The following ROR1 variants were observed in gnomAD, a reference collection of about 807,000 sequenced individuals.
ROR1 encodes the protein ROR family WNT receptor 1.
ROR1 carries 19 observed loss-of-function variants against 78.8 expected under a neutral mutation model. The ratio of observed to expected loss-of-function variants is 0.24; its 90% CI spans 0.17 to 0.35. The LOEUF is 0.35. ROR1 is among the 10% of genes least tolerant of loss of function. ROR1 has a pLI of 1.00. For synonymous variants in ROR1, 386 were observed against 433.6 expected, an observed-to-expected ratio of 0.89 and a Z score of 1.36; for missense variants, 917 against 1,177.8, an observed-to-expected ratio of 0.78 and a Z score of 3.24.
At chr1:64,067,344 C>T (rs58516267) in intron 4 of ROR1, among the ~76,000 whole-genome samples, 23,472 of 147,676 alleles carry the variant, frequency 0.16, 2,713 homozygotes, top group African/African-American at 0.34. Context: ...GAGACCCTGT[C>T]TCACAAAAAA....
At position 63,799,203 on chromosome 1, in the gene ROR1, T is replaced by C. The variant is rs376244537; in HGVS notation, c.91+24695T>C. Among the ~76,000 whole-genome samples, 75 of 152,090 alleles carry C rather than the reference T, an allele frequency of 4.9e-4. No individual in the cohort carries two copies. In the South Asian group the frequency reaches 0.012, roughly 25 times the overall value. On this transcript the variant is annotated intron_variant, in intron 1 of 8. Transcript: ENST00000371079. ...AATAGTGACTGGCACGTAGTAGGTG[T>C]TCAAGTCACTTTTCTTATTATAAAG...
At chr1:64,042,930 T>C (rs997368963) in intron 2 of ROR1, among the ~76,000 whole-genome samples, 1 of 152,238 alleles carries the variant, frequency 6.6e-6, no homozygotes, top group Admixed American at 6.5e-5. Context: ...TATGTTTAGC[T>C]AAGCATTTCA....
intron 1 of ROR1, among the ~76,000 whole-genome samples, chr1:63,947,571 C>T (rs1217108774): frequency 6.6e-6 from 1 of 152,136 alleles, no homozygotes; most frequent in Non-Finnish European, 1.5e-5. Flanking sequence ...CAGCCAGCTC[C>T]ACTGCAGGCT....
chr1:64,168,373 T>G (rs1334567597), intron 8 of ROR1, among the ~76,000 whole-genome samples: 2 of 152,192 alleles, frequency 1.3e-5, no homozygotes, highest in African/African-American at 4.8e-5. Context: ...ATTCAAAAAA[T>G]CATAGCCATT....
At chr1:63,835,897 C>T (rs758619061) in intron 1 of ROR1, among the ~76,000 whole-genome samples, 3 of 152,166 alleles carry the variant, frequency 2.0e-5, no homozygotes, top group African/African-American at 7.2e-5. Flanking sequence ...GTGGTTAATA[C>T]GTCACACATT....
At chr1:63,982,003 A>C (rs1196998966) in intron 1 of ROR1, among the ~76,000 whole-genome samples, 1 of 151,910 alleles carries the variant, frequency 6.6e-6, no homozygotes, top group Non-Finnish European at 1.5e-5. Flanking sequence ...AAATAATATA[A>C]AAAATAAAAA....
At chr1:63,948,320 G>A (rs1306389470) in intron 1 of ROR1, among the ~76,000 whole-genome samples, 2 of 151,404 alleles carry the variant, frequency 1.3e-5, no homozygotes, top group African/African-American at 4.9e-5. Flanking sequence ...ATATATAATA[G>A]AGGTTTGTGG....
chr1:63,793,944 G>A lies in ROR1; in HGVS notation c.91+19436G>A, dbSNP rs542384648. On this transcript the variant is annotated intron_variant, in intron 1 of 8. Coordinates refer to ENST00000371079, the MANE Select transcript of ROR1 (RefSeq NM_005012.4). ...TCTCAGGAGAAGCAGAGACCCCAGG[G>A]AAAGACTCCTGTCTCCGTTGTGTGC... is the stretch of plus-strand genomic sequence containing the variant. Among the ~76,000 whole-genome samples, 3 of 152,288 alleles carry A rather than the reference G, an allele frequency of 2.0e-5. No individual in the cohort carries two copies. The South Asian group carries it at 6.2e-4, about 32-fold the overall frequency.
chr1:64,140,246 G>A lies in ROR1; in HGVS notation c.748G>A (p.Asp250Asn), dbSNP rs761232470. The A allele has an allele frequency of 2.3e-5, 37 of 1,613,984 alleles. No homozygotes were observed. The highest frequency in any genetic ancestry group is 6.7e-5 in the African/African-American group (5 of 74,898). Residue 250 changes from aspartate (D) to asparagine (N), a missense_variant, in exon 6 of 9, where the codon GAT (aspartate) becomes AAT (asparagine). By Grantham distance (23) the Asp-to-Asn change is conservative. Transcript: ENST00000371079. The part of the protein sequence containing the change: ...SVPKPRDLCR[D>N]ECEILENVLC... ...CCCAAAGCCCCGTGACTTGTGTCGCGATGAATGTGAAATCCTGGAGAATGT... is the reference window on the plus strand; with the variant it reads ...CCCAAAGCCCCGTGACTTGTGTCGCAATGAATGTGAAATCCTGGAGAATGT...
At chr1:64,100,779 C>T (rs1415886286) in intron 4 of ROR1, among the ~76,000 whole-genome samples, 1 of 152,148 alleles carries the variant, frequency 6.6e-6, no homozygotes, top group Non-Finnish European at 1.5e-5. Context: ...CACAGGAAAA[C>T]ATCTAATTCT....
At chr1:63,917,028 ATTC>A (rs1199788327) in intron 1 of ROR1, among the ~76,000 whole-genome samples, 2 of 152,032 alleles carry the variant, frequency 1.3e-5, no homozygotes, top group Non-Finnish European at 2.9e-5. Flanking sequence ...TCAGCTTTCA[ATTC>A]TTCTTTCCTT....
At chr1:63,795,777 C>A (rs535862093) in intron 1 of ROR1, among the ~76,000 whole-genome samples, 5 of 152,178 alleles carry the variant, frequency 3.3e-5, no homozygotes, top group Non-Finnish European at 7.4e-5. Flanking sequence ...ATAGCCTTAT[C>A]TTCTGCCTCA....
chr1:64,070,564 C>G lies in ROR1; in HGVS notation c.482+19848C>G, dbSNP rs546113071. Among the ~76,000 whole-genome samples the G allele has an allele frequency of 4.6e-5, 7 of 152,262 alleles. No individual in the cohort carries two copies. The East Asian group carries it at 1.3e-3, about 29-fold the overall frequency. On this transcript the variant is annotated intron_variant, in intron 4 of 8. Coordinates refer to ENST00000371079, the MANE Select transcript of ROR1 (RefSeq NM_005012.4). ...CGAATTCCTTGCCTCAAACCATCCT[C>G]GCACCTCAGCCTCCCAAAGTGCTGG...
chr1:63,886,337 T>C (rs1016140660), intron 1 of ROR1, among the ~76,000 whole-genome samples: 3 of 152,300 alleles, frequency 2.0e-5, no homozygotes, highest in East Asian at 1.9e-4. Context: ...GACCATTTCA[T>C]ATGGGCTGCA....
rs555448900 is a variant in ROR1, at chr1:63,982,434, C to T, written c.92-26871C>T. Among the ~76,000 whole-genome samples the T allele has an allele frequency of 2.5e-4, 38 of 152,266 alleles. No homozygotes were observed. The South Asian group carries it at 7.5e-3, about 30-fold the overall frequency. On this transcript the variant is annotated intron_variant, in intron 1 of 8. Transcript: ENST00000371079. The stretch of plus-strand genomic sequence containing the variant: ...CGGGCCTACAAAAACACTGCTCAAA[C>T]ATTTCATTTAAGAGAAGACACACCA...
intron 1 of ROR1, among the ~76,000 whole-genome samples, chr1:63,894,287 C>T (rs1645422653): frequency 6.6e-6 from 1 of 152,122 alleles, no homozygotes; most frequent in South Asian, 2.1e-4. Context: ...ATTATTTCTG[C>T]AATTTTCCAT....
intron 1 of ROR1, among the ~76,000 whole-genome samples, chr1:63,914,344 G>T (rs1645593349): frequency 6.6e-6 from 1 of 152,202 alleles, no homozygotes; most frequent in Non-Finnish European, 1.5e-5. Context: ...GGAAAGTGGA[G>T]GGACAGGAAC....
intron 1 of ROR1, among the ~76,000 whole-genome samples, chr1:63,859,756 G>A (rs1343609212): frequency 2.0e-5 from 3 of 152,196 alleles, no homozygotes; most frequent in African/African-American, 4.8e-5. Flanking sequence ...ACTAGAAAGT[G>A]CAAAGGCTTC....
intron 1 of ROR1, among the ~76,000 whole-genome samples, chr1:63,811,941 G>A (rs1300315094): frequency 2.0e-5 from 3 of 151,198 alleles, no homozygotes; most frequent in African/African-American, 7.4e-5. Flanking sequence ...GAAGGCTTTC[G>A]GGAAATAAAA....
Sources: gnomAD v4.1 joint callset for allele counts (sites outside exome capture counted in the v4.1 genomes callset) on GRCh38, gnomAD v4.1.1 for gene constraint, MANE v1.5 for transcripts, NCBI Gene and HGNC (gene_info 2026-07-23, HGNC 2026-07-21) for gene names.